Variants in KCTD20 observed in about 807,000 individuals in gnomAD.
KCTD20 encodes the protein BTB/POZ domain-containing protein KCTD20.
A neutral mutation model predicts 39.6 loss-of-function variants in KCTD20; 30 were observed. The observed-to-expected ratio is 0.76, with a 90% CI of 0.57 to 1.03. KCTD20 has a LOEUF of 1.03. KCTD20 is among the 50% of genes least tolerant of loss of function. The probability of loss-of-function intolerance (pLI) is 0.00; values close to 1 mark genes in which losing one functional copy is unlikely to be tolerated. For synonymous variants in KCTD20, 162 were observed against 180.6 expected (o/e 0.90, Z 0.83); for missense variants, 422 against 522.0 (o/e 0.81, Z 1.87).
intron 1 of KCTD20, among the ~76,000 whole-genome samples, chr6:36,453,951 G>C (rs1365134380): frequency 6.6e-6 from 1 of 152,176 alleles, no homozygotes; most frequent in Non-Finnish European, 1.5e-5. Flanking sequence ...AGGTTATTCA[G>C]AAGTGTGTTG....
Position 36,474,927 on chromosome 6 carries a change from T to A in KCTD20, c.299T>A (p.Phe100Tyr). The change falls in exon 3 of 8, where the codon TTT (phenylalanine) becomes TAT (tyrosine). Residue 100 changes from phenylalanine to tyrosine, a missense_variant. Phe to Tyr is a conservative substitution (Grantham distance 22). Transcript: ENST00000373731. ...GAACCTTTTATTGCTCCAGAAAGAT[T>A]TGGAAACAGTAGTGTGGGCTTTGGC... ...NHEPFIAPER[F>Y]GNSSVGFGSN... The A allele has an allele frequency of 9.3e-6, 15 of 1,614,146 alleles. No individual in the cohort carries two copies. The highest frequency in any genetic ancestry group is 1.3e-5 in the Non-Finnish European group (15 of 1,180,024).
chr6:36,458,062 T>G (rs752933272), intron 1 of KCTD20, among the ~76,000 whole-genome samples: 42 of 151,946 alleles, frequency 2.8e-4, no homozygotes, highest in Non-Finnish European at 1.0e-4. Flanking sequence ...AAATCTAGCC[T>G]TCTTTTTTGA....
In KCTD20 at chr6:36,469,903, G is replaced by A. The variant is rs1048508218; in HGVS notation, c.-46-149G>A. On this transcript the variant is annotated intron_variant, in intron 1 of 7. Transcript: ENST00000373731. The surrounding 1 kb of genome is among the most constrained non-coding windows in gnomAD (Gnocchi z 4.6). ...CATTTAAATCAGCCTGATTCCTATC[G>A]ATATAAAAATCACAAAAATGTTTAA... is the stretch of plus-strand genomic sequence containing the variant. 4.6e-6 allele frequency: 2 copies of A among 432,898 alleles called. No individual in the cohort carries two copies. 26.8% of individuals were successfully genotyped at this position (432,898 alleles called of 1,614,324 possible).
At chr6:36,456,656 C>T (rs1405195294) in intron 1 of KCTD20, among the ~76,000 whole-genome samples, 1 of 148,378 alleles carries the variant, frequency 6.7e-6, no homozygotes, top group Non-Finnish European at 1.5e-5. Flanking sequence ...GGTGCTATCA[C>T]AGCTCACTGC....
chr6:36,487,103 A>G lies in KCTD20; in HGVS notation c.1188A>G (p.Pro396=). The change falls in exon 8 of 8, where the codon CCA becomes CCG. Residue 396 remains proline (P), a synonymous_variant. Transcript: ENST00000373731. ...ACCAGGAGATATTAATGCATCACCCACCCCAAGTGGATGAACTTGACCGGC... is the reference window on the plus strand; with the variant it reads ...ACCAGGAGATATTAATGCATCACCCGCCCCAAGTGGATGAACTTGACCGGC... ...LEDQEILMHH[P]PQVDELDRLN... 6.2e-7 allele frequency: 1 copy of G among 1,613,970 alleles called. No individual in the cohort carries two copies. Among genetic ancestry groups the G allele is most frequent in the Non-Finnish European group, 8.5e-7 (1 of 1,179,984 alleles).
At chr6:36,480,410 CTTTTTTT>C (rs550520667) in intron 5 of KCTD20, among the ~76,000 whole-genome samples, 8 of 121,772 alleles carry the variant, frequency 6.6e-5, no homozygotes, top group African/African-American at 2.2e-4. Flanking sequence ...ATGATATTGC[CTTTTTTT>C]TTTTTTTTTT....
chr6:36,457,096 C>T (rs1775460408), intron 1 of KCTD20, among the ~76,000 whole-genome samples: 1 of 152,074 alleles, frequency 6.6e-6, no homozygotes, highest in Non-Finnish European at 1.5e-5. Flanking sequence ...CCGTGCCCGG[C>T]CTAATTTTTT....
chr6:36,482,532 G>A (rs1266453857), intron 6 of KCTD20, among the ~76,000 whole-genome samples: 4 of 152,140 alleles, frequency 2.6e-5, no homozygotes, highest in South Asian at 2.1e-4. Context: ...CAGCCCGGGC[G>A]ACAGTGTGAG....
chr6:36,482,629 G>T lies in KCTD20; in HGVS notation c.856+870G>T, dbSNP rs1776287234. On this transcript the variant is annotated intron_variant, in intron 6 of 7. Coordinates refer to ENST00000373731, the MANE Select transcript of KCTD20 (RefSeq NM_173562.5). Reference sequence around the variant, plus strand: ...TCCTTTGCACAAATGTGCCATAATTGACTTAACCAGCCATTATTGGACGTT... The same window carrying T: ...TCCTTTGCACAAATGTGCCATAATTTACTTAACCAGCCATTATTGGACGTT... Among the ~76,000 whole-genome samples, 7 of 149,136 alleles carry T rather than the reference G, an allele frequency of 4.7e-5. No homozygotes were observed. The South Asian group carries it at 1.3e-3, about 27-fold the overall frequency.
intron 1 of KCTD20, among the ~76,000 whole-genome samples, chr6:36,454,303 A>G (rs1582310102): frequency 6.6e-6 from 1 of 151,924 alleles, no homozygotes. Flanking sequence ...CTTTTGCTCT[A>G]TAATAGTATG....
intron 5 of KCTD20, 108 bp from the exon 6 acceptor site, chr6:36,481,454 T>A: frequency 1.2e-6 from 1 of 810,570 alleles, no homozygotes; most frequent in South Asian, 1.5e-5. Context: ...AATGTGCCAC[T>A]TCTCTGAACC....
intron 1 of KCTD20, among the ~76,000 whole-genome samples, chr6:36,447,742 GC>G (rs1431018757): frequency 6.6e-6 from 1 of 151,782 alleles, no homozygotes; most frequent in Non-Finnish European, 1.5e-5. Context: ...TATAATCCCA[GC>G]ACTTTGGGAG....
chr6:36,447,512 C>T (rs1446505465), intron 1 of KCTD20, among the ~76,000 whole-genome samples: 2 of 151,946 alleles, frequency 1.3e-5, no homozygotes, highest in Non-Finnish European at 2.9e-5. Context: ...CGACTGTAAG[C>T]CCAGTTACTG....
In KCTD20 at chr6:36,486,769, A is replaced by G. The variant is rs890867826; in HGVS notation, c.968-114A>G. Reference sequence around the variant, plus strand: ...GGGACAGGGACTGGTCACTTCGCACATATTTTCCATGCTGTGATTTTGGGA... The same window carrying G: ...GGGACAGGGACTGGTCACTTCGCACGTATTTTCCATGCTGTGATTTTGGGA... On this transcript the variant is annotated intron_variant, in intron 7 of 7. Coordinates refer to ENST00000373731, the MANE Select transcript of KCTD20 (RefSeq NM_173562.5). 1.2e-4 allele frequency: 99 copies of G among 847,554 alleles called. 1 individual carries two copies. The highest frequency in any genetic ancestry group is 3.4e-4 in the South Asian group (21 of 61,230). The allele number at this position is 847,554 out of a possible 1,614,324, so 52.5% of individuals were successfully genotyped here.
At chr6:36,475,580 G>A (rs1053123174) in intron 3 of KCTD20, among the ~76,000 whole-genome samples, 5 of 152,022 alleles carry the variant, frequency 3.3e-5, no homozygotes, top group African/African-American at 9.7e-5. Flanking sequence ...AGCCAGTATA[G>A]TAAAATGAGC....
intron 1 of KCTD20, among the ~76,000 whole-genome samples, chr6:36,453,716 G>A (rs1404573414): frequency 6.6e-6 from 1 of 151,784 alleles, no homozygotes; most frequent in Non-Finnish European, 1.5e-5. Flanking sequence ...CTTGATGTTG[G>A]TCAGGCTGGT....
At chr6:36,479,486 T>G in intron 4 of KCTD20, 105 bp from the exon 5 acceptor site, 1 of 1,043,620 alleles carries the variant, frequency 9.6e-7, no homozygotes, top group Non-Finnish European at 1.4e-6. Context: ...TTGGTGATAA[T>G]TCCAGTAGCT....
intron 7 of KCTD20, among the ~76,000 whole-genome samples, chr6:36,485,693 CTTTGT>C (rs1776398380): frequency 6.6e-6 from 1 of 152,092 alleles, no homozygotes; most frequent in African/African-American, 2.4e-5. Context: ...CGGTGTTTCA[CTTTGT>C]TAGCCAGGAT....
At chr6:36,467,318 A>ATTTTTTTTT (rs775332647) in intron 1 of KCTD20, among the ~76,000 whole-genome samples, 2 of 29,850 alleles carry the variant, frequency 6.7e-5, no homozygotes, top group African/African-American at 2.7e-4. Context: ...ATCCTTCAGG[A>ATTTTTTTTT]TTTTTTTTTT....
Sources: allele counts gnomAD v4.1 joint callset (sites outside exome capture counted in the v4.1 genomes callset), GRCh38; gene constraint gnomAD v4.1.1; non-coding constraint Gnocchi (gnomAD v3.1); transcripts MANE v1.5; gene names NCBI Gene and HGNC (gene_info 2026-07-23, HGNC 2026-07-21).